WWOX: variants seen among roughly 807,000 people sequenced by gnomAD.
WWOX encodes the protein WW domain containing oxidoreductase, also known as WW domain-containing oxidoreductase.
Under a neutral mutation model 46.2 loss-of-function variants are expected in WWOX, and 69 were observed. The ratio of observed to expected loss-of-function variants is 1.49; its 90% CI spans 1.23 to 1.82. The LOEUF is 1.82. Ranked by LOEUF, WWOX falls within the 40% of genes most tolerant of loss-of-function variation. The pLI is 0.00. For missense variants in WWOX, 919 were observed against 542.6 expected (o/e 1.69, Z -6.89); for synonymous variants, 359 against 202.6 (o/e 1.77, Z -6.56).
chr16:78,562,870 C>T (rs559660270), intron 8 of WWOX, among the ~76,000 whole-genome samples: 8 of 152,232 alleles, frequency 5.3e-5, no homozygotes, highest in Admixed American at 2.0e-4. Context: ...TGAGCGACGT[C>T]GGAGCTCCAC....
chr16:78,673,697 T>G (rs1257024458), intron 8 of WWOX, among the ~76,000 whole-genome samples: 2 of 152,166 alleles, frequency 1.3e-5, no homozygotes, highest in Admixed American at 1.3e-4. Context: ...GCCAAACAAG[T>G]CAAGAGACTC....
chr16:78,400,103 T>A (rs957118611), intron 6 of WWOX, among the ~76,000 whole-genome samples: 2 of 152,174 alleles, frequency 1.3e-5, no homozygotes, highest in African/African-American at 4.8e-5. Context: ...ACGGGACCTC[T>A]CAATTAGCGG....
At chr16:78,333,348 C>G (rs994234427) in intron 5 of WWOX, among the ~76,000 whole-genome samples, 1 of 151,824 alleles carries the variant, frequency 6.6e-6, no homozygotes, top group Non-Finnish European at 1.5e-5. Flanking sequence ...CAAACCTGGT[C>G]AATTTTCTAT....
At position 79,013,848 on chromosome 16, in the gene WWOX, C is replaced by G. The variant is rs541858421; in HGVS notation, c.1057-197760C>G. ...GGTCCTCTTTATTCTACTTTTCATT[C>G]TCGCTCTGCCGCCCTCCCAGGTGTT... On this transcript the variant is annotated intron_variant, in intron 8 of 8. Transcript: ENST00000566780. Among the ~76,000 whole-genome samples, 3 of 152,290 alleles carry G rather than the reference C, an allele frequency of 2.0e-5. No individual in the cohort carries two copies. The South Asian group carries it at 6.2e-4, about 32-fold the overall frequency.
At chr16:78,560,990 G>T (rs907290056) in intron 8 of WWOX, among the ~76,000 whole-genome samples, 4 of 152,154 alleles carry the variant, frequency 2.6e-5, no homozygotes, top group Admixed American at 1.3e-4. Context: ...CTCTGCTCAG[G>T]GTCTCTTGGG....
At chr16:79,148,697 C>T (rs2050223827) in intron 8 of WWOX, among the ~76,000 whole-genome samples, 2 of 152,090 alleles carry the variant, frequency 1.3e-5, no homozygotes, top group South Asian at 4.2e-4. Flanking sequence ...GTTGAGTCTT[C>T]CAGTTTGTGG....
intron 5 of WWOX, among the ~76,000 whole-genome samples, chr16:78,299,485 A>G (rs2080002266): frequency 6.6e-6 from 1 of 150,898 alleles, no homozygotes; most frequent in Non-Finnish European, 1.5e-5. Flanking sequence ...TTGAGCTGTG[A>G]TTTCAAATTC....
At chr16:79,084,429 TC>T (rs1479124497) in intron 8 of WWOX, among the ~76,000 whole-genome samples, 25 of 152,136 alleles carry the variant, frequency 1.6e-4, no homozygotes, top group Non-Finnish European at 3.2e-4. Flanking sequence ...ACAAGTAATT[TC>T]TTTTTTTTGA....
At chr16:78,632,445 T>G (rs2046455890) in intron 8 of WWOX, among the ~76,000 whole-genome samples, 1 of 152,016 alleles carries the variant, frequency 6.6e-6, no homozygotes. Context: ...TGTTATTTTT[T>G]TGAAGAGGGT....
chr16:78,464,515 TGTGCCA>T (rs2084026810), intron 8 of WWOX, among the ~76,000 whole-genome samples: 1 of 152,186 alleles, frequency 6.6e-6, no homozygotes, highest in South Asian at 2.1e-4. Context: ...GTGCTTACCA[TGTGCCA>T]TATTTCCTTG....
At chr16:78,771,993 G>T (rs940955912) in intron 8 of WWOX, among the ~76,000 whole-genome samples, 1 of 152,154 alleles carries the variant, frequency 6.6e-6, no homozygotes, top group Non-Finnish European at 1.5e-5. Flanking sequence ...GGGATTATTA[G>T]TGTATATGTG....
At chr16:78,212,151 C>T (rs1357460053) in intron 5 of WWOX, among the ~76,000 whole-genome samples, 1 of 152,136 alleles carries the variant, frequency 6.6e-6, no homozygotes, top group Admixed American at 6.5e-5. Flanking sequence ...TAGCACCTGG[C>T]CTCAGCTGTA....
chr16:78,365,430 G>C (rs1256955537), intron 5 of WWOX, among the ~76,000 whole-genome samples: 2 of 152,192 alleles, frequency 1.3e-5, no homozygotes, highest in African/African-American at 2.4e-5. Flanking sequence ...TTGGCACACA[G>C]AGCATCCCAC....
rs562907632 is a variant in WWOX, at chr16:79,029,910, G to C, written c.1057-181698G>C. Among the ~76,000 whole-genome samples the C allele has an allele frequency of 1.9e-4, 29 of 152,244 alleles. 1 individual carries two copies. The highest frequency in any genetic ancestry group is 6.7e-4 in the African/African-American group (28 of 41,536). ...TCGAAAGGAAGCATAAACGCATATG[G>C]TCACTTTACTGGTATAATAGGGGCC... On this transcript the variant is annotated intron_variant, in intron 8 of 8. Transcript: ENST00000566780.
At chr16:78,293,008 G>A (rs2079884631) in intron 5 of WWOX, among the ~76,000 whole-genome samples, 1 of 152,138 alleles carries the variant, frequency 6.6e-6, no homozygotes, top group African/African-American at 2.4e-5. Flanking sequence ...TTTCTTGTTG[G>A]TCCTTTGCTC....
At chr16:78,662,434 G>A (rs1027828037) in intron 8 of WWOX, among the ~76,000 whole-genome samples, 1 of 151,978 alleles carries the variant, frequency 6.6e-6, no homozygotes, top group African/African-American at 2.4e-5. Context: ...TTTATGTGGA[G>A]AAAACAGTAT....
Position 79,117,335 on chromosome 16 carries a change from A to C in WWOX, c.1057-94273A>C, listed in dbSNP as rs112884309. On this transcript the variant is annotated intron_variant, in intron 8 of 8. Transcript: ENST00000566780. ...AGCAGAATATTTTTAAAGGAATACA[A>C]ATTTTTTCCCAACAGTAGGTCTCGA... 9.4e-3 allele frequency among the ~76,000 whole-genome samples: 1,438 copies of C among 152,298 alleles called. 11 individuals carry two copies. The highest frequency in any genetic ancestry group is 0.015 in the Non-Finnish European group (1,023 of 68,044).
At chr16:78,261,311 A>G (rs1047611901) in intron 5 of WWOX, among the ~76,000 whole-genome samples, 1 of 150,974 alleles carries the variant, frequency 6.6e-6, no homozygotes, top group Non-Finnish European at 1.5e-5. Context: ...ACATACATAC[A>G]TATAAAATTA....
At chr16:79,101,743 T>C (rs1209673600) in intron 8 of WWOX, 4 of 133,622 alleles carry the variant, frequency 3.0e-5, no homozygotes, top group African/African-American at 1.1e-4. Context: ...TACTTAGCCT[T>C]AAAAAAAAAA....
Sources: gnomAD v4.1 joint callset for allele counts (sites outside exome capture counted in the v4.1 genomes callset) on GRCh38, gnomAD v4.1.1 for gene constraint, MANE v1.5 for transcripts, NCBI Gene and HGNC (gene_info 2026-07-23, HGNC 2026-07-21) for gene names.